FLRT1: variants seen among roughly 807,000 people sequenced by gnomAD.
The protein encoded by FLRT1 is leucine-rich repeat transmembrane protein FLRT1.
A neutral mutation model predicts 30.9 loss-of-function variants in FLRT1; 14 were observed. The ratio of observed to expected loss-of-function variants is 0.45; its 90% CI spans 0.30 to 0.71. The LOEUF (loss-of-function observed/expected upper bound fraction) is 0.71. Ranked by LOEUF, FLRT1 falls within the 30% of genes least tolerant of loss-of-function variation. FLRT1 has a pLI of 0.08. For missense variants in FLRT1, 737 were observed against 949.2 expected (o/e 0.78, Z 2.94); for synonymous variants, 368 against 430.4 (o/e 0.85, Z 1.80).
intron 2 of FLRT1, among the ~76,000 whole-genome samples, chr11:64,111,662 G>GGGTGAGGTCTGGCC: frequency 6.6e-6 from 1 of 152,292 alleles, no homozygotes; most frequent in East Asian, 1.9e-4. Flanking sequence ...GAAGGGGGGT[G>GGGTGAGGTCTGGCC]GGTGAGGTCT....
rs186167198 is a variant in FLRT1, at chr11:64,079,199, G to C, written c.-1037-23995G>C. ...GACGACTGTGTGTGGGATGAGGGAA[G>C]AGGGTGTGTAGGGAGCCCCACGGCC... is the stretch of plus-strand genomic sequence containing the variant. On this transcript the variant is annotated intron_variant, in intron 1 of 2. Transcript: ENST00000682287. 1.3e-4 allele frequency among the ~76,000 whole-genome samples: 20 copies of C among 152,244 alleles called. No homozygotes were observed. The East Asian group carries it at 2.7e-3, about 21-fold the overall frequency.
At chr11:64,092,006 T>G (rs1944499449) in intron 1 of FLRT1, among the ~76,000 whole-genome samples, 1 of 152,174 alleles carries the variant, frequency 6.6e-6, no homozygotes, top group African/African-American at 2.4e-5. Context: ...CTGCCGGCCC[T>G]CTATCCCCAC....
chr11:64,062,048 A>G (rs1409333931), intron 1 of FLRT1, among the ~76,000 whole-genome samples: 3 of 146,210 alleles, frequency 2.1e-5, no homozygotes, highest in Non-Finnish European at 3.0e-5. Flanking sequence ...GTCCTGTCCA[A>G]AGCCTCTGCC....
At chr11:64,062,854 C>T (rs1943931011) in intron 1 of FLRT1, among the ~76,000 whole-genome samples, 1 of 152,218 alleles carries the variant, frequency 6.6e-6, no homozygotes, top group Non-Finnish European at 1.5e-5. Context: ...GGGGCACCTC[C>T]ACCCCGGCCC....
chr11:64,098,140 G>A (rs1944610069), intron 1 of FLRT1, among the ~76,000 whole-genome samples: 1 of 152,092 alleles, frequency 6.6e-6, no homozygotes, highest in Non-Finnish European at 1.5e-5. Context: ...ATGCAGCAGC[G>A]AGAACACTCT....
intron 1 of FLRT1, among the ~76,000 whole-genome samples, chr11:64,061,287 G>T (rs1414344041): frequency 2.0e-5 from 3 of 152,176 alleles, no homozygotes. Context: ...TGGATGCTCC[G>T]CGCGCCGACT....
intron 1 of FLRT1, among the ~76,000 whole-genome samples, chr11:64,037,526 C>G (rs1295799704): frequency 6.6e-6 from 1 of 152,142 alleles, no homozygotes; most frequent in Non-Finnish European, 1.5e-5. Flanking sequence ...TGACAGGGCC[C>G]GTGCCTGGGA....
At position 64,116,963 on chromosome 11, in the gene FLRT1, C is replaced by A. The variant is rs766627575; in HGVS notation, c.696C>A (p.Asn232Lys). The change falls in exon 3 of 3, where the codon AAC becomes AAA. Residue 232 changes from asparagine to lysine, a missense_variant. Asn to Lys is a moderately conservative substitution (Grantham distance 94). Transcript: ENST00000682287. ...TGCGGCGCCTGGTGCTGGACGGTAA[C>A]CTGCTGGCCAACCAGCGCATCGCCG... is the stretch of plus-strand genomic sequence containing the variant. ...NSLRRLVLDG[N>K]LLANQRIADD... 6 of 1,611,914 alleles carry A rather than the reference C, an allele frequency of 3.7e-6. No individual in the cohort carries two copies. The highest frequency in any genetic ancestry group is 5.1e-6 in the Non-Finnish European group (6 of 1,179,998).
At chr11:64,112,987 G>C (rs1341059423) in intron 2 of FLRT1, among the ~76,000 whole-genome samples, 1 of 152,212 alleles carries the variant, frequency 6.6e-6, no homozygotes, top group Middle Eastern at 3.2e-3. Flanking sequence ...CACAGTCCCT[G>C]CCCTGGCAGT....
intron 1 of FLRT1, among the ~76,000 whole-genome samples, chr11:64,053,614 C>A (rs1011782791): frequency 2.6e-5 from 4 of 152,136 alleles, no homozygotes; most frequent in Non-Finnish European, 5.9e-5. Flanking sequence ...GGATGTGGGG[C>A]CCCTACCCTG....
At chr11:64,106,334 TCTCTA>T (rs1944763537) in intron 2 of FLRT1, among the ~76,000 whole-genome samples, 1 of 152,118 alleles carries the variant, frequency 6.6e-6, no homozygotes, top group Admixed American at 6.5e-5. Context: ...GCCTCCCTCT[TCTCTA>T]CCACCCAGCC....
chr11:64,042,610 C>G (rs1565206257), intron 1 of FLRT1, among the ~76,000 whole-genome samples: 1 of 152,100 alleles, frequency 6.6e-6, no homozygotes, highest in East Asian at 1.9e-4. Flanking sequence ...CTGTGGGGGT[C>G]TTGGAAGCCC....
At chr11:64,061,086 T>A (rs1198524856) in intron 1 of FLRT1, among the ~76,000 whole-genome samples, 1 of 152,158 alleles carries the variant, frequency 6.6e-6, no homozygotes, top group Non-Finnish European at 1.5e-5. Flanking sequence ...CCCAACCACC[T>A]GAGAGCCTCG....
rs148902826 is a variant in FLRT1 at position 64,098,012 on chromosome 11, C to T, written c.-1037-5182C>T. Among the ~76,000 whole-genome samples, 20 of 152,272 alleles carry T rather than the reference C, an allele frequency of 1.3e-4. No homozygotes were observed. The East Asian group carries it at 3.9e-3, about 29-fold the overall frequency. On this transcript the variant is annotated intron_variant, in intron 1 of 2. Transcript: ENST00000682287. ...TGGGGGCCTCCCAAGTTGGCCCCTT[C>T]CCTTCAACCCCTCACTGTATGAGGT...
rs4980520 is a variant in FLRT1 at position 64,065,616 on chromosome 11, A to T, written c.-1038+29457A>T. Among the ~76,000 whole-genome samples the T allele has an allele frequency of 4.6e-3, 687 of 148,664 alleles. 4 individuals carry two copies. Among genetic ancestry groups the T allele is most frequent in the Middle Eastern group, 7.0e-3 (2 of 284 alleles). On this transcript the variant is annotated intron_variant, in intron 1 of 2. Transcript: ENST00000682287. ...CATCCTGGCTAACACGGTGAAACCC[A>T]GTCTCTACTAAAAAATACAAAAAAT...
At chr11:64,043,254 C>T (rs1943522545) in intron 1 of FLRT1, among the ~76,000 whole-genome samples, 2 of 152,190 alleles carry the variant, frequency 1.3e-5, no homozygotes, top group African/African-American at 4.8e-5. Flanking sequence ...CCGCCAGACA[C>T]GTGCTGGGAT....
At chr11:64,065,313 A>G (rs965595747) in intron 1 of FLRT1, among the ~76,000 whole-genome samples, 50 of 152,300 alleles carry the variant, frequency 3.3e-4, no homozygotes, top group Admixed American at 3.1e-3. Context: ...CTGCCTCAAC[A>G]TGCAGGAGGC....
Position 64,119,026 on chromosome 11 carries a change from G to C in FLRT1, c.*734G>C, listed in dbSNP as rs1159979638. ...CCCGGCGGAAGCCGTAGCTTTCCCT[G>C]CCACCTGGAGGTGCATCTGTCTGCC... On this transcript the variant is annotated 3_prime_UTR_variant, in exon 3 of 3. Transcript: ENST00000682287. The C allele has an allele frequency of 1.2e-5, 2 of 167,148 alleles. No homozygotes were observed. Among genetic ancestry groups the C allele is most frequent in the African/African-American group, 4.8e-5 (2 of 41,400 alleles). 10.4% of individuals were successfully genotyped at this position (167,148 alleles called of 1,614,324 possible).
At chr11:64,106,953 G>A (rs1207056374) in intron 2 of FLRT1, among the ~76,000 whole-genome samples, 3 of 151,950 alleles carry the variant, frequency 2.0e-5, no homozygotes, top group Non-Finnish European at 4.4e-5. Context: ...ACGATCTCTC[G>A]GCTCACTGCA....
Sources: gnomAD v4.1 joint callset for allele counts (sites outside exome capture counted in the v4.1 genomes callset) on GRCh38, gnomAD v4.1.1 for gene constraint, MANE v1.5 for transcripts, NCBI Gene and HGNC (gene_info 2026-07-23, HGNC 2026-07-21) for gene names.